The following COL18A1 variants were observed in gnomAD, a reference collection of about 807,000 sequenced individuals.
COL18A1 encodes collagen type XVIII alpha 1 chain.
In COL18A1, 133 loss-of-function variants were observed where a neutral mutation model predicts 168.0. The ratio of observed to expected loss-of-function variants is 0.79; its 90% CI spans 0.69 to 0.91. COL18A1 has a LOEUF of 0.91. Ranked by LOEUF, COL18A1 falls within the 40% of genes least tolerant of loss-of-function variation. The pLI is 0.00. For synonymous variants in COL18A1, 949 were observed against 809.0 expected, an observed-to-expected ratio of 1.17 and a Z score of -2.94; for missense variants, 2,126 against 1,925.4, an observed-to-expected ratio of 1.10 and a Z score of -1.95.
At chr21:45,441,557 C>G (rs908272185) in intron 2 of COL18A1, among the ~76,000 whole-genome samples, 4 of 152,198 alleles carry the variant, frequency 2.6e-5, no homozygotes, top group Non-Finnish European at 5.9e-5. Context: ...CCCGGTGGCT[C>G]TGGCCATGGT....
At chr21:45,491,357 C>A in intron 22 of COL18A1, 43 bp downstream of exon 22, 1 of 1,301,072 alleles carries the variant, frequency 7.7e-7, no homozygotes. Flanking sequence ...GTCCAGACCC[C>A]CCACGGGGTG....
chr21:45,461,726 A>G (rs536648927), intron 2 of COL18A1, among the ~76,000 whole-genome samples: 17 of 152,220 alleles, frequency 1.1e-4, no homozygotes, highest in Non-Finnish European at 1.9e-4. Context: ...ATGTGAGATC[A>G]TGCAGTATTT....
intron 17 of COL18A1, 192 bp downstream of exon 17, chr21:45,487,701 T>A: frequency 1.4e-6 from 1 of 734,414 alleles, no homozygotes; most frequent in Non-Finnish European, 2.4e-6. Flanking sequence ...TTCATTGAAC[T>A]AAAGTCACGG....
intron 32 of COL18A1, among the ~76,000 whole-genome samples, chr21:45,499,393 G>A (rs993529168): frequency 2.0e-5 from 3 of 152,228 alleles, no homozygotes; most frequent in South Asian, 2.1e-4. Context: ...AGCGTGGGCT[G>A]CCCCACATGG....
At chr21:45,406,378 C>G (rs2033110846) in intron 2 of COL18A1, among the ~76,000 whole-genome samples, 1 of 152,214 alleles carries the variant, frequency 6.6e-6, no homozygotes, top group Non-Finnish European at 1.5e-5. Context: ...GGAGGGATGT[C>G]GTCTGGATTC....
chr21:45,505,459 CCTGCGTCCCGTGCCCTGGCTGGTT>C, intron 36 of COL18A1, 28 bp downstream of exon 36: 5 of 1,271,794 alleles, frequency 3.9e-6, no homozygotes, highest in East Asian at 2.4e-5. Context: ...CGGCTGGGCA[CCTGCGTCCCGTGCCCTGGCTGGTT>C]CTGCAGCCCC....
rs779048807 is a variant in COL18A1 at position 45,494,567 on chromosome 21, C to T, written c.2375C>T (p.Pro792Leu). The change falls in exon 27 of 42, where the codon CCC becomes CTC. Residue 792 changes from proline to leucine, a missense_variant. By Grantham distance (98) the Pro-to-Leu change is moderately conservative (BLOSUM62 -3). Coordinates refer to ENST00000651438, the MANE Select transcript of COL18A1 (RefSeq NM_001379500.1). ...GAKGEPGFRG[P>L]PGPYGRPGYK... ...CAGGGAGAGCCGGGCTTCCGAGGAC[C>T]CCCGGTAAGTCGGTCCCTGGCTTTC... The T allele has an allele frequency of 4.3e-6, 7 of 1,613,226 alleles. No homozygotes were observed. The highest frequency in any genetic ancestry group is 5.9e-6 in the Non-Finnish European group (7 of 1,179,974).
intron 2 of COL18A1, among the ~76,000 whole-genome samples, chr21:45,412,599 G>A (rs2123509225): frequency 6.6e-6 from 1 of 152,260 alleles, no homozygotes; most frequent in African/African-American, 2.4e-5. Flanking sequence ...GGTCCCTTTA[G>A]AGATGGCACC....
intron 3 of COL18A1, among the ~76,000 whole-genome samples, chr21:45,470,448 A>ATTTTTT (rs2035372424): frequency 9.3e-5 from 2 of 21,398 alleles, no homozygotes; most frequent in Middle Eastern, 0.021. Flanking sequence ...TTTTTTTTTG[A>ATTTTTT]CTATTGGGAT....
At chr21:45,444,069 T>G (rs1042415730) in intron 2 of COL18A1, among the ~76,000 whole-genome samples, 4 of 152,172 alleles carry the variant, frequency 2.6e-5, no homozygotes, top group African/African-American at 7.2e-5. Flanking sequence ...GCTGTCGCTC[T>G]CTCTTGTCTT....
At chr21:45,430,765 C>T (rs1398344307) in intron 2 of COL18A1, among the ~76,000 whole-genome samples, 3 of 152,190 alleles carry the variant, frequency 2.0e-5, no homozygotes, top group Admixed American at 1.3e-4. Flanking sequence ...TGGCTTTCCC[C>T]GGCCCTCAGC....
Position 45,475,550 on chromosome 21 carries a change from G to A in COL18A1, c.798+15G>A, listed in dbSNP as rs1486406935. On this transcript the variant is annotated intron_variant, in intron 5 of 41. Coordinates refer to ENST00000651438, the MANE Select transcript of COL18A1 (RefSeq NM_001379500.1). ...GGGAGGAGACGGTGAGTAGCCGGAC[G>A]GGGCCCAGCCCACGCTGCAGGGTCC... 38 of 1,600,382 alleles carry A rather than the reference G, an allele frequency of 2.4e-5. No homozygotes were observed. The highest frequency in any genetic ancestry group is 5.6e-5 in the South Asian group (5 of 88,862).
At chr21:45,480,917 A>T in intron 13 of COL18A1, 59 bp downstream of exon 13, 2 of 1,552,138 alleles carry the variant, frequency 1.3e-6, no homozygotes, top group Non-Finnish European at 1.7e-6. Context: ...TGAGGGGTGA[A>T]CACCCCACAT....
intron 2 of COL18A1, chr21:45,456,280 G>A (rs1321320859): frequency 6.4e-7 from 1 of 1,572,424 alleles, no homozygotes; most frequent in Non-Finnish European, 8.6e-7. Flanking sequence ...CTCCCAGCCA[G>A]CAGCTCCAAC....
intron 14 of COL18A1, chr21:45,482,308 G>A (rs368469052): frequency 5.2e-5 from 35 of 672,484 alleles, no homozygotes; most frequent in Non-Finnish European, 8.8e-5. Flanking sequence ...CGTTGGTTAC[G>A]GGGCAGTGGC....
intron 26 of COL18A1, 24 bp downstream of exon 26, chr21:45,493,599 C>T (rs755522661): frequency 3.1e-5 from 48 of 1,533,312 alleles, no homozygotes; most frequent in Middle Eastern, 1.9e-4. Context: ...AGCCTCCTTC[C>T]GGCAGGCGTG....
intron 2 of COL18A1, among the ~76,000 whole-genome samples, chr21:45,459,775 G>A (rs995293378): frequency 1.5e-4 from 23 of 152,186 alleles, no homozygotes; most frequent in African/African-American, 5.3e-4. Flanking sequence ...AAGAGTGAGC[G>A]AGCGGGGCTT....
chr21:45,479,593 C>T (rs1173066819), intron 9 of COL18A1, among the ~76,000 whole-genome samples: 1 of 148,324 alleles, frequency 6.7e-6, no homozygotes, highest in Non-Finnish European at 1.5e-5. Context: ...ACACACACAC[C>T]ATGCATACCA....
chr21:45,504,312 C>T, intron 33 of COL18A1, 104 bp from the exon 34 acceptor site: 1 of 1,192,254 alleles, frequency 8.4e-7, no homozygotes, highest in Non-Finnish European at 1.2e-6. Context: ...CAGGCCTGGG[C>T]TCCGGAAGCT....
Sources: allele counts gnomAD v4.1 joint callset (sites outside exome capture counted in the v4.1 genomes callset), GRCh38; gene constraint gnomAD v4.1.1; transcripts MANE v1.5; gene names NCBI Gene and HGNC (gene_info 2026-07-23, HGNC 2026-07-21).